The following CMTR1 variants were observed in gnomAD, a reference collection of about 807,000 sequenced individuals.
The protein encoded by CMTR1 is cap methyltransferase 1, also known as cap-specific mRNA (nucleoside-2'-O-)-methyltransferase 1.
In CMTR1, 39 loss-of-function variants were observed where a neutral mutation model predicts 107.0. The observed-to-expected ratio is 0.36, with a 90% CI of 0.28 to 0.48. The LOEUF is 0.48. Ranked by LOEUF, CMTR1 falls within the 20% of genes least tolerant of loss-of-function variation. The pLI is 0.99. For missense variants in CMTR1, 672 were observed against 1,064.9 expected (o/e 0.63, Z 5.14); for synonymous variants, 366 against 379.5 (o/e 0.96, Z 0.41).
intron 2 of CMTR1, among the ~76,000 whole-genome samples, chr6:37,443,448 G>A (rs564604089): frequency 2.0e-5 from 3 of 151,462 alleles, no homozygotes; most frequent in Admixed American, 6.6e-5. Context: ...TCTGCCTCCC[G>A]GGTTCAAGCA....
rs1771792599 is a variant in CMTR1 at position 37,446,279 on chromosome 6, T to C, written c.286-12T>C. 1 of 1,613,728 alleles carries C rather than the reference T, an allele frequency of 6.2e-7. No individual in the cohort carries two copies. The highest frequency in any genetic ancestry group is 1.3e-5 in the African/African-American group (1 of 74,920). On this transcript the variant is annotated splice_polypyrimidine_tract_variant and intron_variant, in intron 3 of 23. Coordinates refer to ENST00000373451, the MANE Select transcript of CMTR1 (RefSeq NM_015050.3). Reference sequence around the variant, plus strand: ...ACCTAATTAATTGTGCTCCACTACTTCTCTTTTTCAGGCCAAGATGGGCTT... The same window carrying C: ...ACCTAATTAATTGTGCTCCACTACTCCTCTTTTTCAGGCCAAGATGGGCTT...
chr6:37,464,223 TG>T (rs1196612018), intron 13 of CMTR1, among the ~76,000 whole-genome samples: 1 of 152,088 alleles, frequency 6.6e-6, no homozygotes, highest in African/African-American at 2.4e-5. Flanking sequence ...CCCAGCACTT[TG>T]GGAGGCTGAG....
At chr6:37,431,128 TTTAAC>T (rs1378539481), upstream of CMTR1, among the ~76,000 whole-genome samples, 6 of 152,192 alleles carry the variant, frequency 3.9e-5, no homozygotes, top group African/African-American at 1.4e-4. Flanking sequence ...AAAATTTAAC[TTTAAC>T]TTGACTATAT....
chr6:37,467,719 T>C (rs899924985), intron 13 of CMTR1, among the ~76,000 whole-genome samples: 3 of 152,232 alleles, frequency 2.0e-5, no homozygotes, highest in African/African-American at 7.2e-5. Flanking sequence ...ACCCTATTTA[T>C]TTCCAGTAAT....
At chr6:37,434,477 C>T (rs926182527) in intron 1 of CMTR1, among the ~76,000 whole-genome samples, 4 of 152,180 alleles carry the variant, frequency 2.6e-5, no homozygotes, top group South Asian at 2.1e-4. Context: ...GTATTCACTA[C>T]TTCTCTTGCT....
intron 2 of CMTR1, among the ~76,000 whole-genome samples, chr6:37,437,322 C>T (rs369547904): frequency 5.3e-5 from 8 of 150,884 alleles, no homozygotes; most frequent in East Asian, 3.9e-4. Context: ...GTCAGGAGAT[C>T]GAGACCATCC....
chr6:37,449,104 C>G (rs1771874651), intron 4 of CMTR1, among the ~76,000 whole-genome samples: 2 of 152,024 alleles, frequency 1.3e-5, no homozygotes, highest in Admixed American at 6.6e-5. Context: ...CCATGCCTGG[C>G]TAATTTTTTA....
chr6:37,481,188 C>G lies in CMTR1; in HGVS notation c.*1043C>G. 1 of 1,297,876 alleles carries G rather than the reference C, an allele frequency of 7.7e-7. No homozygotes were observed. Among genetic ancestry groups the G allele is most frequent in the Non-Finnish European group, 1.0e-6 (1 of 985,906 alleles). The allele number at this position is 1,297,876 out of a possible 1,614,324, so 80.4% of individuals were successfully genotyped here. On this transcript the variant is annotated 3_prime_UTR_variant, in exon 24 of 24. Coordinates refer to ENST00000373451, the MANE Select transcript of CMTR1 (RefSeq NM_015050.3). ...ATTTCCTTTATCTTGGCCGACAACACAGAGAGGAGGGGGAGCTGGGCAGTA... is the reference window on the plus strand; with the variant it reads ...ATTTCCTTTATCTTGGCCGACAACAGAGAGAGGAGGGGGAGCTGGGCAGTA...
chr6:37,446,965 C>G (rs1581732722), intron 4 of CMTR1, among the ~76,000 whole-genome samples: 1 of 152,152 alleles, frequency 6.6e-6, no homozygotes, highest in African/African-American at 2.4e-5. Flanking sequence ...TACTAGGGTA[C>G]CAGTTTGTTT....
the CMTR1 span, among the ~76,000 whole-genome samples, chr6:37,425,404 C>T: frequency 6.6e-6 from 1 of 151,050 alleles, no homozygotes; most frequent in Non-Finnish European, 1.5e-5. Context: ...TCAAACAATT[C>T]TCGTGCCTCA....
intron 8 of CMTR1, among the ~76,000 whole-genome samples, chr6:37,454,843 C>T (rs1457178296): frequency 6.6e-6 from 1 of 152,086 alleles, no homozygotes; most frequent in Non-Finnish European, 1.5e-5. Flanking sequence ...TTTCCGTTTT[C>T]CCCTGAGGAC....
chr6:37,442,328 A>G (rs1285863233), intron 2 of CMTR1, among the ~76,000 whole-genome samples: 1 of 152,236 alleles, frequency 6.6e-6, no homozygotes, highest in Non-Finnish European at 1.5e-5. Flanking sequence ...TAGAGATCCC[A>G]TTCTCATCCT....
At chr6:37,442,147 A>G (rs944394687) in intron 2 of CMTR1, among the ~76,000 whole-genome samples, 1 of 152,254 alleles carries the variant, frequency 6.6e-6, no homozygotes, top group Non-Finnish European at 1.5e-5. Context: ...ACTTTTGCAC[A>G]GTACCCCATT....
intron 4 of CMTR1, 86 bp from the exon 5 acceptor site, chr6:37,450,165 G>T (rs1312434486): frequency 8.6e-7 from 1 of 1,157,268 alleles, no homozygotes; most frequent in East Asian, 2.4e-5. Flanking sequence ...AGTCCCTTTT[G>T]ATTGTTTTGG....
Position 37,462,076 on chromosome 6 carries a change from T to G in CMTR1, c.1299T>G (p.Ile433Met). Residue 433 changes from isoleucine to methionine, a missense_variant, in exon 12 of 24, where the codon ATT (isoleucine) becomes ATG (methionine). Ile to Met is a conservative substitution (Grantham distance 10, BLOSUM62 1). This residue lies in a region of CMTR1 where 583 missense variants were observed against 968.4 expected (regional missense o/e 0.60). Coordinates refer to ENST00000373451, the MANE Select transcript of CMTR1 (RefSeq NM_015050.3). Reference sequence around the variant, plus strand: ...AACGAGTTTGTCTCTTCAAGCCTATTACCAGCCGTCCTGCCAACTCAGAGA... The same window carrying G: ...AACGAGTTTGTCTCTTCAAGCCTATGACCAGCCGTCCTGCCAACTCAGAGA... ...CFERVCLFKP[I>M]TSRPANSERY... 1 of 1,614,092 alleles carries G rather than the reference T, an allele frequency of 6.2e-7. No homozygotes were observed. The highest frequency in any genetic ancestry group is 8.5e-7 in the Non-Finnish European group (1 of 1,180,032).
At chr6:37,479,486 C>CG (rs1421200066) in intron 23 of CMTR1, among the ~76,000 whole-genome samples, 1 of 152,186 alleles carries the variant, frequency 6.6e-6, no homozygotes, top group Non-Finnish European at 1.5e-5. Context: ...CTAATGGTTA[C>CG]GGGCCTGGCT....
intron 2 of CMTR1, among the ~76,000 whole-genome samples, chr6:37,441,531 C>T (rs1771676187): frequency 6.6e-6 from 1 of 152,042 alleles, no homozygotes; most frequent in Admixed American, 6.6e-5. Context: ...TCTCCTACCT[C>T]AGCCTCCCGA....
chr6:37,441,076 A>G (rs1771664768), intron 2 of CMTR1, among the ~76,000 whole-genome samples: 1 of 152,212 alleles, frequency 6.6e-6, no homozygotes, highest in Admixed American at 6.5e-5. Flanking sequence ...GCTGCCCAAG[A>G]GGAACTTTAG....
intron 4 of CMTR1, among the ~76,000 whole-genome samples, chr6:37,449,244 C>A (rs1771877502): frequency 6.8e-6 from 1 of 146,568 alleles, no homozygotes; most frequent in Admixed American, 6.9e-5. Context: ...CTGGGCCCAG[C>A]TCCAGGCATC....
Sources: allele counts gnomAD v4.1 joint callset (sites outside exome capture counted in the v4.1 genomes callset), GRCh38; gene constraint gnomAD v4.1.1; regional missense constraint gnomAD v4.1.1; transcripts MANE v1.5; gene names NCBI Gene and HGNC (gene_info 2026-07-23, HGNC 2026-07-21).